The following ILRUN variants were observed in gnomAD, a reference collection of about 807,000 sequenced individuals.
ILRUN encodes the protein protein ILRUN.
In ILRUN, 3 loss-of-function variants were observed where a neutral mutation model predicts 33.8. The observed-to-expected ratio is 0.09, with a 90% CI of 0.04 to 0.23. ILRUN has a LOEUF of 0.23. ILRUN is among the 10% of genes least tolerant of loss of function. The pLI is 1.00. For missense variants in ILRUN, 210 were observed against 375.1 expected (o/e 0.56, Z 3.64); for synonymous variants, 124 against 138.9 (o/e 0.89, Z 0.75).
intron 3 of ILRUN, among the ~76,000 whole-genome samples, chr6:34,630,508 C>T (rs374064140): frequency 3.9e-5 from 6 of 152,068 alleles, no homozygotes; most frequent in Non-Finnish European, 7.4e-5. Flanking sequence ...CTCAGCCTCC[C>T]GAGTAGCTGG....
intron 4 of ILRUN, among the ~76,000 whole-genome samples, chr6:34,602,869 G>A (rs1265005463): frequency 1.3e-5 from 2 of 152,218 alleles, no homozygotes; most frequent in East Asian, 1.9e-4. Flanking sequence ...ACGGAGCACT[G>A]AGTTCAGGGA....
chr6:34,682,176 C>G (rs1248529252), intron 1 of ILRUN, among the ~76,000 whole-genome samples: 1 of 144,112 alleles, frequency 6.9e-6, no homozygotes, highest in Non-Finnish European at 1.5e-5. Context: ...CCAGCCTTGT[C>G]TGTTTTAAGA....
chr6:34,669,757 G>C (rs1423047776), intron 1 of ILRUN, among the ~76,000 whole-genome samples: 1 of 151,986 alleles, frequency 6.6e-6, no homozygotes, highest in Non-Finnish European at 1.5e-5. Context: ...ACAAAATGTG[G>C]TATATCCATA....
At position 34,590,461 on chromosome 6, in the gene ILRUN, G is replaced by A; in HGVS notation, c.*104C>T. 3.2e-6 allele frequency: 5 copies of A among 1,545,174 alleles called. No homozygotes were observed. The highest frequency in any genetic ancestry group is 4.4e-6 in the Non-Finnish European group (5 of 1,130,202). On this transcript the variant is annotated 3_prime_UTR_variant, in exon 5 of 5. Transcript: ENST00000374023. ...CCGGGATGAGAGGGGGTCAGAGCCA[G>A]GGGTCTGTGCGATGTGGTCTGCAAT...
chr6:34,641,484 C>G (rs1762474633), intron 3 of ILRUN, among the ~76,000 whole-genome samples: 1 of 152,112 alleles, frequency 6.6e-6, no homozygotes, highest in African/African-American at 2.4e-5. Flanking sequence ...AAACTATACC[C>G]CACAGAGCTC....
At chr6:34,676,258 G>T (rs540309399) in intron 1 of ILRUN, among the ~76,000 whole-genome samples, 8 of 151,832 alleles carry the variant, frequency 5.3e-5, no homozygotes, top group Non-Finnish European at 1.2e-4. Flanking sequence ...AAAATGCTGG[G>T]CATGGCAGCA....
chr6:34,667,505 T>C (rs752958676), intron 1 of ILRUN, among the ~76,000 whole-genome samples: 2 of 152,192 alleles, frequency 1.3e-5, no homozygotes, highest in South Asian at 2.1e-4. Flanking sequence ...GGATCATCAA[T>C]AGATACTAAA....
chr6:34,669,250 A>G (rs1410608562), intron 1 of ILRUN, among the ~76,000 whole-genome samples: 5 of 148,822 alleles, frequency 3.4e-5, no homozygotes, highest in African/African-American at 1.2e-4. Flanking sequence ...CAGCCTGCGG[A>G]GTAGCTGGGA....
intron 1 of ILRUN, among the ~76,000 whole-genome samples, chr6:34,662,978 C>T (rs1762919266): frequency 6.6e-6 from 1 of 152,006 alleles, no homozygotes; most frequent in African/African-American, 2.4e-5. Context: ...CCTATAGTCA[C>T]AGCTACTTGG....
intron 3 of ILRUN, among the ~76,000 whole-genome samples, chr6:34,615,773 T>C (rs1057469593): frequency 2.0e-5 from 3 of 152,158 alleles, no homozygotes; most frequent in African/African-American, 7.2e-5. Context: ...AACACCGTTT[T>C]ATCAGCTGAA....
At chr6:34,614,437 A>ATATATATATATATATATATAT (rs1321613482) in intron 3 of ILRUN, among the ~76,000 whole-genome samples, 1 of 124,606 alleles carries the variant, frequency 8.0e-6, no homozygotes, top group African/African-American at 3.7e-5. Context: ...ATAATAAAAA[A>ATATATATATATATATATATAT]AAAAAAATAT....
At chr6:34,660,007 T>C (rs1218582572) in intron 1 of ILRUN, among the ~76,000 whole-genome samples, 1 of 151,694 alleles carries the variant, frequency 6.6e-6, no homozygotes, top group African/African-American at 2.4e-5. Flanking sequence ...AGAAAACAGT[T>C]AAGAAAACCA....
intron 4 of ILRUN, among the ~76,000 whole-genome samples, chr6:34,590,998 T>C (rs1761282771): frequency 6.6e-6 from 1 of 152,218 alleles, no homozygotes; most frequent in Non-Finnish European, 1.5e-5. Context: ...GATGTAAGGC[T>C]ACTGCTAGCT....
At chr6:34,608,089 T>C (rs1761670857) in intron 3 of ILRUN, among the ~76,000 whole-genome samples, 1 of 143,964 alleles carries the variant, frequency 6.9e-6, no homozygotes, top group Admixed American at 6.8e-5. Context: ...CACCACCCTG[T>C]CTTAAAAAAA....
At chr6:34,635,557 A>C (rs1762345860) in intron 3 of ILRUN, among the ~76,000 whole-genome samples, 1 of 132,046 alleles carries the variant, frequency 7.6e-6, no homozygotes, top group Non-Finnish European at 1.6e-5. Flanking sequence ...GGAAGGAAGG[A>C]AGGAAGGAAG....
Position 34,592,514 on chromosome 6 carries a change from AG to A in ILRUN, c.862-1915del, listed in dbSNP as rs923453094. Among the ~76,000 whole-genome samples, 18 of 150,308 alleles carry A rather than the reference AG, an allele frequency of 1.2e-4. 1 individual carries two copies. The highest frequency in any genetic ancestry group is 5.3e-4 in the Admixed American group (8 of 15,146). ...CAGATTCCATTTTGCAAGTCCTGGT[AG>A]GGGGGGTCCCATACATCAGAGGTAT... On this transcript the variant is annotated intron_variant, in intron 4 of 4. Transcript: ENST00000374023. The surrounding 1 kb of genome is among the most constrained non-coding windows in gnomAD (Gnocchi z 4.0).
At chr6:34,638,044 G>A (rs1762401638) in intron 3 of ILRUN, among the ~76,000 whole-genome samples, 3 of 151,962 alleles carry the variant, frequency 2.0e-5, no homozygotes. Context: ...GTGCCACCAT[G>A]CCCGGCTAAT....
chr6:34,651,782 C>A (rs1472859299), intron 2 of ILRUN, among the ~76,000 whole-genome samples: 5 of 136,388 alleles, frequency 3.7e-5, no homozygotes, highest in African/African-American at 1.1e-4. Context: ...TGGTAGATTC[C>A]AAAAAACTTT....
At chr6:34,690,490 A>T (rs1464335968) in intron 1 of ILRUN, among the ~76,000 whole-genome samples, 2 of 152,014 alleles carry the variant, frequency 1.3e-5, no homozygotes, top group African/African-American at 4.8e-5. Context: ...ATAAATAAAT[A>T]AATAAATTGA....
Sources: gnomAD v4.1 joint callset for allele counts (sites outside exome capture counted in the v4.1 genomes callset) on GRCh38, gnomAD v4.1.1 for gene constraint, Gnocchi (gnomAD v3.1) non-coding constraint, MANE v1.5 for transcripts, NCBI Gene and HGNC (gene_info 2026-07-23, HGNC 2026-07-21) for gene names.